The following RAB11FIP2 variants were observed in gnomAD, a reference collection of about 807,000 sequenced individuals.
RAB11FIP2 encodes the protein rab11 family-interacting protein 2.
A neutral mutation model predicts 40.9 loss-of-function variants in RAB11FIP2; 16 were observed. The ratio of observed to expected loss-of-function variants is 0.39; its 90% confidence interval spans 0.26 to 0.59. The LOEUF is 0.59. Ranked by LOEUF, RAB11FIP2 falls within the 20% of genes least tolerant of loss-of-function variation. RAB11FIP2 has a pLI of 0.53. For missense variants in RAB11FIP2, 532 were observed against 606.2 expected (o/e 0.88, Z 1.28); for synonymous variants, 228 against 213.7 (o/e 1.07, Z -0.58).
At chr10:118,020,428 C>T (rs1177600169) in intron 3 of RAB11FIP2, among the ~76,000 whole-genome samples, 2 of 152,188 alleles carry the variant, frequency 1.3e-5, no homozygotes, top group Non-Finnish European at 2.9e-5. Flanking sequence ...TTCTGTTTGC[C>T]CCTCCTGCTC....
chr10:118,038,291 T>C (rs1482917296), intron 3 of RAB11FIP2, among the ~76,000 whole-genome samples: 1 of 151,116 alleles, frequency 6.6e-6, no homozygotes, highest in African/African-American at 2.4e-5. Flanking sequence ...TTTAGATATA[T>C]AGATATAATT....
intron 4 of RAB11FIP2, among the ~76,000 whole-genome samples, chr10:118,011,166 A>G (rs1165071661): frequency 1.3e-5 from 2 of 152,134 alleles, no homozygotes; most frequent in Non-Finnish European, 2.9e-5. Context: ...AGAGGATATT[A>G]AAGGGAAGTG....
intron 4 of RAB11FIP2, among the ~76,000 whole-genome samples, chr10:118,010,717 G>C (rs956052567): frequency 5.3e-5 from 8 of 152,038 alleles, no homozygotes; most frequent in Admixed American, 3.3e-4. Context: ...GAATCTCTCA[G>C]GCTTTGTGGA....
intron 3 of RAB11FIP2, among the ~76,000 whole-genome samples, chr10:118,028,873 CTT>C (rs1442683611): frequency 6.6e-6 from 1 of 152,028 alleles, no homozygotes; most frequent in Non-Finnish European, 1.5e-5. Context: ...AACTTCCACT[CTT>C]GTGTTCAAAG....
chr10:118,043,973 C>T (rs1846594657), intron 1 of RAB11FIP2, among the ~76,000 whole-genome samples: 1 of 152,150 alleles, frequency 6.6e-6, no homozygotes, highest in Admixed American at 6.5e-5. Context: ...AAGGGTTTAG[C>T]AATATATGAA....
At chr10:118,039,740 G>T in intron 2 of RAB11FIP2, 1 of 367,542 alleles carries the variant, frequency 2.7e-6, no homozygotes, top group East Asian at 4.7e-5. Flanking sequence ...AATTCTCAGA[G>T]ACTTTTTCAT....
chr10:118,014,927 C>A, intron 4 of RAB11FIP2, 138 bp downstream of exon 4: 1 of 642,778 alleles, frequency 1.6e-6, no homozygotes, highest in South Asian at 2.8e-5. Flanking sequence ...TTTCTTTCTC[C>A]TAAAATTACT....
At position 118,040,105 on chromosome 10, in the gene RAB11FIP2, CA is replaced by C. The variant is rs780807188; in HGVS notation, c.796+17del. On this transcript the variant is annotated intron_variant, in intron 2 of 4. Coordinates refer to ENST00000355624, the MANE Select transcript of RAB11FIP2 (RefSeq NM_014904.3). ...AGGGTAGTTCAGACCAATGAGTACA[CA>C]AGAATGTGACACTTACCACTTTCTG... is the stretch of plus-strand genomic sequence containing the variant. The C allele has an allele frequency of 6.9e-6, 11 of 1,602,056 alleles. No individual in the cohort carries two copies. The highest frequency in any genetic ancestry group is 8.5e-6 in the Non-Finnish European group (10 of 1,171,692).
At chr10:118,042,222 A>C (rs968018793) in intron 1 of RAB11FIP2, among the ~76,000 whole-genome samples, 2 of 152,110 alleles carry the variant, frequency 1.3e-5, no homozygotes, top group African/African-American at 4.8e-5. Context: ...GCAAACAAAA[A>C]CGAGCACGTA....
At position 118,008,951 on chromosome 10, in the gene RAB11FIP2, T is replaced by C; in HGVS notation, c.*47A>G. 1 of 1,469,508 alleles carries C rather than the reference T, an allele frequency of 6.8e-7. No homozygotes were observed. The highest frequency in any genetic ancestry group is 9.4e-7 in the Non-Finnish European group (1 of 1,059,026). The allele number at this position is 1,469,508 out of a possible 1,614,324, so 91.0% of individuals were successfully genotyped here. On this transcript the variant is annotated 3_prime_UTR_variant, in exon 5 of 5. Transcript: ENST00000355624. ...ACAAGTTTTTCCTTCCTTCCTTCTT[T>C]CTTTCTCTCTCTTTGTCCAATTATC...
Position 118,046,873 on chromosome 10 carries a change from C to A in RAB11FIP2, c.-710G>T, listed in dbSNP as rs1226423097. Reference sequence around the variant, plus strand: ...GTTCGGCCTGGCCCGGCCGGCGGCTCCTAACACCGGGCGGGCGGCTGCGGC... The same window carrying A: ...GTTCGGCCTGGCCCGGCCGGCGGCTACTAACACCGGGCGGGCGGCTGCGGC... On this transcript the variant is annotated 5_prime_UTR_variant, in exon 1 of 5. Transcript: ENST00000355624. 1 of 152,918 alleles carries A rather than the reference C, an allele frequency of 6.5e-6. No homozygotes were observed. The highest frequency in any genetic ancestry group is 1.5e-5 in the Non-Finnish European group (1 of 68,704). The allele number at this position is 152,918 out of a possible 1,614,324, so 9.5% of individuals were successfully genotyped here.
Position 118,015,051 on chromosome 10 carries a change from C to T in RAB11FIP2, c.1311+14G>A. 6.2e-7 allele frequency: 1 copy of T among 1,603,626 alleles called. No individual in the cohort carries two copies. Among genetic ancestry groups the T allele is most frequent in the Non-Finnish European group, 8.5e-7 (1 of 1,173,198 alleles). On this transcript the variant is annotated intron_variant, in intron 4 of 4. Transcript: ENST00000355624. Reference sequence around the variant, plus strand: ...TTACTCTTTGACAACCCTCTAACCCCTTCAGCAACTTACCGGGATTTTCCT... The same window carrying T: ...TTACTCTTTGACAACCCTCTAACCCTTTCAGCAACTTACCGGGATTTTCCT...
chr10:118,033,189 A>G (rs1846437759), intron 3 of RAB11FIP2, among the ~76,000 whole-genome samples: 1 of 152,102 alleles, frequency 6.6e-6, no homozygotes, highest in African/African-American at 2.4e-5. Context: ...GTGATATAAT[A>G]TAGATTAGCA....
At position 118,007,760 on chromosome 10, in the gene RAB11FIP2, T is replaced by C. The variant is rs1846110727; in HGVS notation, c.*1238A>G. 6.6e-6 allele frequency: 1 copy of C among 152,092 alleles called. No individual in the cohort carries two copies. Among genetic ancestry groups the C allele is most frequent in the African/African-American group, 2.4e-5 (1 of 41,434 alleles). The allele number at this position is 152,092 out of a possible 1,614,324, so 9.4% of individuals were successfully genotyped here. A position where few individuals can be genotyped will look rare whatever the true frequency, so the allele number is the denominator to read the frequency against. On this transcript the variant is annotated 3_prime_UTR_variant, in exon 5 of 5. Transcript: ENST00000355624. The stretch of plus-strand genomic sequence containing the variant: ...AATAATCCATGGAAGAAATCAGTAT[T>C]TTGGGGGAGTGGACTTTAAAATAGA...
chr10:118,031,615 G>GA (rs1032298635), intron 3 of RAB11FIP2, among the ~76,000 whole-genome samples: 3 of 152,068 alleles, frequency 2.0e-5, no homozygotes, highest in Non-Finnish European at 4.4e-5. Flanking sequence ...ACACTGCCAT[G>GA]AAAAATCACT....
rs1302626535 is a variant in RAB11FIP2, at chr10:118,008,810, T to C, written c.*188A>G. 1.7e-6 allele frequency: 1 copy of C among 588,064 alleles called. No individual in the cohort carries two copies. The highest frequency in any genetic ancestry group is 3.0e-6 in the Non-Finnish European group (1 of 333,160). 36.4% of individuals were successfully genotyped at this position (588,064 alleles called of 1,614,324 possible). ...ATTTTCAATTTAAACATTTAAATGA[T>C]TTAGCTTGCTTCAAAGGTCACTCTT... On this transcript the variant is annotated 3_prime_UTR_variant, in exon 5 of 5. Transcript: ENST00000355624.
rs995872545 is a variant in RAB11FIP2 at position 118,032,261 on chromosome 10, C to T, written c.1265+6711G>A. 3.9e-5 allele frequency among the ~76,000 whole-genome samples: 6 copies of T among 151,968 alleles called. No individual in the cohort carries two copies. The East Asian group carries it at 5.8e-4, about 15-fold the overall frequency. ...ATACAAATAGAAGCATATTTTTAAG[C>T]GTCATTCATCACTATTGACTCTCAG... On this transcript the variant is annotated intron_variant, in intron 3 of 4. Transcript: ENST00000355624.
intron 3 of RAB11FIP2, among the ~76,000 whole-genome samples, chr10:118,029,866 C>T (rs1428797958): frequency 2.6e-5 from 4 of 152,016 alleles, no homozygotes; most frequent in African/African-American, 9.7e-5. Context: ...AATAACTGGA[C>T]CAAATATTTG....
chr10:118,036,747 A>G (rs555364039), intron 3 of RAB11FIP2, among the ~76,000 whole-genome samples: 114 of 152,266 alleles, frequency 7.5e-4, no homozygotes, highest in African/African-American at 2.7e-3. Flanking sequence ...AAAGTCATAA[A>G]ATGAAAAACA....
Sources: allele counts gnomAD v4.1 joint callset (sites outside exome capture counted in the v4.1 genomes callset), GRCh38; gene constraint gnomAD v4.1.1; transcripts MANE v1.5; gene names NCBI Gene and HGNC (gene_info 2026-07-23, HGNC 2026-07-21).